Variants in ACER2 observed in about 807,000 individuals in gnomAD.
The protein encoded by ACER2 is alkaline ceramidase 2, also known as alkCDase 2.
ACER2 carries 26 observed loss-of-function variants against 34.7 expected under a neutral mutation model. That is an observed-to-expected ratio of 0.75 (90% CI 0.55 to 1.04). ACER2 has a LOEUF of 1.04. Among genes scored for constraint, ACER2 ranks in the 50% least tolerant of loss-of-function variants. The pLI, the probability that ACER2 is intolerant of heterozygous loss-of-function variation, is 0.00. For synonymous variants in ACER2, 138 were observed against 132.1 expected (o/e 1.04, Z -0.31); for missense variants, 352 against 340.8 (o/e 1.03, Z -0.26).
chr9:19,419,838 C>G (rs1288481000), intron 1 of ACER2, among the ~76,000 whole-genome samples: 1 of 152,138 alleles, frequency 6.6e-6, no homozygotes, highest in Admixed American at 6.6e-5. Context: ...TGATACAGCC[C>G]CACTTAGGTA....
At chr9:19,432,894 C>G (rs1441656436) in intron 3 of ACER2, among the ~76,000 whole-genome samples, 4 of 151,196 alleles carry the variant, frequency 2.6e-5, no homozygotes, top group Non-Finnish European at 5.9e-5. Context: ...ATACCCAGCC[C>G]AAACCCAAAA....
chr9:19,418,459 A>G (rs1830302519), intron 1 of ACER2, among the ~76,000 whole-genome samples: 1 of 152,240 alleles, frequency 6.6e-6, no homozygotes, highest in South Asian at 2.1e-4. Flanking sequence ...AATGCCCATC[A>G]GTGATAGACT....
intron 1 of ACER2, 124 bp downstream of exon 1, chr9:19,409,316 A>G (rs1830012605): frequency 1.1e-6 from 1 of 906,058 alleles, no homozygotes; most frequent in Non-Finnish European, 1.7e-6. Flanking sequence ...CCAGGGGCTG[A>G]GTCAGTCCAC....
At chr9:19,434,262 G>A (rs926440423) in intron 3 of ACER2, among the ~76,000 whole-genome samples, 10 of 151,910 alleles carry the variant, frequency 6.6e-5, no homozygotes, top group Admixed American at 2.0e-4. Flanking sequence ...AATGGCAGCC[G>A]GGCAGAGATG....
chr9:19,434,857 C>T, intron 3 of ACER2, 90 bp from the exon 4 acceptor site: 3 of 1,499,366 alleles, frequency 2.0e-6, no homozygotes, highest in South Asian at 2.5e-5. Flanking sequence ...GCTTGTATTT[C>T]TGGCAATGCC....
chr9:19,450,328 C>G, intron 5 of ACER2, 122 bp from the exon 6 acceptor site: 1 of 1,365,610 alleles, frequency 7.3e-7, no homozygotes, highest in African/African-American at 1.4e-5. Context: ...TTAGAAGAGG[C>G]CCCTGGGCTG....
chr9:19,428,739 T>G (rs555365656), intron 3 of ACER2, among the ~76,000 whole-genome samples: 83 of 150,820 alleles, frequency 5.5e-4, no homozygotes, highest in Non-Finnish European at 9.3e-4. Flanking sequence ...ACTCAGTAAG[T>G]TCTGGTGGTT....
At position 19,434,995 on chromosome 9, in the gene ACER2, C is replaced by T. The variant is rs764296462; in HGVS notation, c.414C>T (p.Cys138=). ...GTGTCCTGTCTGCGGTTACGACGTG[C>T]CTGGCATTTGTCAAGCCTGCCATCA... The part of the protein sequence containing the change: ...VVSVLSAVTT[C]LAFVKPAINN... Residue 138 remains cysteine, a synonymous_variant, in exon 4 of 6, where the codon TGC becomes TGT. Coordinates refer to ENST00000340967, the MANE Select transcript of ACER2 (RefSeq NM_001010887.3). 5 of 1,614,110 alleles carry T rather than the reference C, an allele frequency of 3.1e-6. No individual in the cohort carries two copies. The highest frequency in any genetic ancestry group is 1.1e-5 in the South Asian group (1 of 91,078).
At chr9:19,446,047 G>T (rs765330781) in intron 4 of ACER2, 60 of 708,576 alleles carry the variant, frequency 8.5e-5, no homozygotes, top group Non-Finnish European at 1.5e-4. Flanking sequence ...GTAGTTGGGT[G>T]TATGAGTCTG....
At chr9:19,412,886 T>A (rs183653383) in intron 1 of ACER2, among the ~76,000 whole-genome samples, 18 of 152,336 alleles carry the variant, frequency 1.2e-4, no homozygotes, top group Admixed American at 9.2e-4. Flanking sequence ...TCCTTATTGA[T>A]GGACATTTCA....
intron 3 of ACER2, among the ~76,000 whole-genome samples, chr9:19,434,315 C>T (rs1414737126): frequency 7.2e-5 from 11 of 152,030 alleles, no homozygotes; most frequent in Non-Finnish European, 1.5e-4. Context: ...AGGGGCTCCT[C>T]ACATCCCAGA....
At chr9:19,448,529 G>A (rs1016677557) in intron 5 of ACER2, among the ~76,000 whole-genome samples, 1 of 151,922 alleles carries the variant, frequency 6.6e-6, no homozygotes, top group Non-Finnish European at 1.5e-5. Flanking sequence ...ACTTTATAAT[G>A]AACATCTAGA....
intron 4 of ACER2, 126 bp from the exon 5 acceptor site, chr9:19,446,155 G>A (rs1831352116): frequency 2.2e-6 from 3 of 1,347,702 alleles, no homozygotes; most frequent in Non-Finnish European, 2.1e-6. Context: ...TGTGTGTTGG[G>A]TAAGAACTTC....
At chr9:19,434,905 A>T (rs776840585) in intron 3 of ACER2, 42 bp from the exon 4 acceptor site, 1 of 1,609,204 alleles carries the variant, frequency 6.2e-7, no homozygotes, top group Non-Finnish European at 8.5e-7. Context: ...ACAAACAAGA[A>T]CTCCTTTTCT....
At chr9:19,412,148 A>T (rs1341404707) in intron 1 of ACER2, among the ~76,000 whole-genome samples, 1 of 152,202 alleles carries the variant, frequency 6.6e-6, no homozygotes, top group Non-Finnish European at 1.5e-5. Flanking sequence ...CTGTCTTGGG[A>T]TCATTTTATC....
At chr9:19,422,330 A>T (rs1158477145) in intron 1 of ACER2, among the ~76,000 whole-genome samples, 1 of 152,016 alleles carries the variant, frequency 6.6e-6, no homozygotes, top group Non-Finnish European at 1.5e-5. Context: ...TATCTCATTA[A>T]TGATATTTAA....
At chr9:19,422,103 G>A (rs1006320007) in intron 1 of ACER2, among the ~76,000 whole-genome samples, 6 of 150,238 alleles carry the variant, frequency 4.0e-5, no homozygotes, top group African/African-American at 1.5e-4. Flanking sequence ...GGGCAACATA[G>A]TGAGACCACC....
intron 4 of ACER2, among the ~76,000 whole-genome samples, chr9:19,442,105 T>G (rs181111212): frequency 6.6e-6 from 1 of 152,254 alleles, no homozygotes; most frequent in Non-Finnish European, 1.5e-5. Flanking sequence ...AAGTTTATGC[T>G]GATTTTGGGT....
intron 1 of ACER2, among the ~76,000 whole-genome samples, chr9:19,415,280 C>T (rs1830208349): frequency 6.6e-6 from 1 of 152,062 alleles, no homozygotes; most frequent in Non-Finnish European, 1.5e-5. Flanking sequence ...CACTTGAGGT[C>T]AGGAGTTCAA....
Sources: gnomAD v4.1 joint callset for allele counts (sites outside exome capture counted in the v4.1 genomes callset) on GRCh38, gnomAD v4.1.1 for gene constraint, MANE v1.5 for transcripts, NCBI Gene and HGNC (gene_info 2026-07-23, HGNC 2026-07-21) for gene names.